The following DLGAP1 variants were observed in gnomAD, a reference collection of about 807,000 sequenced individuals.
The protein encoded by DLGAP1 is disks large-associated protein 1.
A neutral mutation model predicts 90.8 loss-of-function variants in DLGAP1; 11 were observed. The observed-to-expected ratio is 0.12, with a 90% confidence interval of 0.08 to 0.20. The LOEUF is 0.20. DLGAP1 is among the 10% of genes least tolerant of loss of function. DLGAP1 has a pLI of 1.00. For missense variants in DLGAP1, 1,050 were observed against 1,333.8 expected (o/e 0.79, Z 3.31); for synonymous variants, 558 against 540.7 (o/e 1.03, Z -0.44).
At chr18:4,359,812 C>T (rs967618853) in intron 1 of DLGAP1, among the ~76,000 whole-genome samples, 4 of 152,100 alleles carry the variant, frequency 2.6e-5, no homozygotes, top group East Asian at 1.9e-4. Context: ...GTTCTAGACA[C>T]TGGAGATAAA....
chr18:3,958,906 T>C (rs899856087), intron 3 of DLGAP1, among the ~76,000 whole-genome samples: 3 of 152,200 alleles, frequency 2.0e-5, no homozygotes, highest in Non-Finnish European at 2.9e-5. Context: ...CTGCCTGTAA[T>C]ATCTCAAGGA....
At chr18:4,197,214 A>C (rs1239192146) in intron 1 of DLGAP1, among the ~76,000 whole-genome samples, 1 of 151,052 alleles carries the variant, frequency 6.6e-6, no homozygotes, top group African/African-American at 2.4e-5. Flanking sequence ...AAAAAGAAAA[A>C]AAAAGAAAGA....
intron 1 of DLGAP1, among the ~76,000 whole-genome samples, chr18:4,260,476 T>G (rs1301853467): frequency 6.6e-6 from 1 of 152,220 alleles, no homozygotes; most frequent in African/African-American, 2.4e-5. Flanking sequence ...TCACTTATGT[T>G]TGCAAATCAA....
At chr18:4,068,397 T>C (rs1307921440) in intron 2 of DLGAP1, among the ~76,000 whole-genome samples, 1 of 151,408 alleles carries the variant, frequency 6.6e-6, no homozygotes, top group Non-Finnish European at 1.5e-5. Context: ...GCATATTATA[T>C]ATAATGATAT....
intron 1 of DLGAP1, among the ~76,000 whole-genome samples, chr18:4,343,874 G>A (rs536863152): frequency 1.2e-4 from 19 of 152,060 alleles, no homozygotes; most frequent in Admixed American, 3.9e-4. Context: ...AATCTCCTCC[G>A]GAAAGGATCA....
intron 5 of DLGAP1, among the ~76,000 whole-genome samples, chr18:3,802,156 TG>T (rs1306393779): frequency 2.0e-5 from 3 of 152,160 alleles, no homozygotes; most frequent in African/African-American, 7.2e-5. Flanking sequence ...GGCTAATTTT[TG>T]TATTTTTAGT....
intron 3 of DLGAP1, among the ~76,000 whole-genome samples, chr18:3,882,860 C>A (rs1197276732): frequency 6.6e-6 from 1 of 152,222 alleles, no homozygotes; most frequent in Non-Finnish European, 1.5e-5. Context: ...TATAAAGAGT[C>A]ATCTTGGAAA....
intron 1 of DLGAP1, among the ~76,000 whole-genome samples, chr18:4,242,795 A>G (rs1240871895): frequency 6.6e-6 from 1 of 152,096 alleles, no homozygotes; most frequent in Non-Finnish European, 1.5e-5. Context: ...TAAAGGTGAG[A>G]TCATGCATGT....
chr18:4,138,555 T>G (rs1053640451), intron 2 of DLGAP1, among the ~76,000 whole-genome samples: 2 of 152,030 alleles, frequency 1.3e-5, no homozygotes, highest in African/African-American at 4.8e-5. Context: ...TCAGTGAGGA[T>G]TTTTGTATTA....
At chr18:4,408,722 AT>A (rs1441325562) in intron 1 of DLGAP1, among the ~76,000 whole-genome samples, 1 of 149,744 alleles carries the variant, frequency 6.7e-6, no homozygotes, top group Non-Finnish European at 1.5e-5. Flanking sequence ...TAAGGAAGAA[AT>A]AAAAATTAAA....
intron 4 of DLGAP1, among the ~76,000 whole-genome samples, chr18:3,876,202 A>G (rs910718831): frequency 6.6e-5 from 9 of 135,754 alleles, no homozygotes; most frequent in African/African-American, 2.6e-4. Context: ...CATTTCCTAG[A>G]AGCAAGAAGG....
intron 5 of DLGAP1, among the ~76,000 whole-genome samples, chr18:3,759,094 GTCA>G (rs3837919): frequency 0.21 from 32,313 of 151,800 alleles, 4,093 homozygotes; most frequent in East Asian, 0.54. Flanking sequence ...GGGCATAAAT[GTCA>G]TCATTATTTC....
chr18:4,354,202 A>G (rs376761162), intron 1 of DLGAP1, among the ~76,000 whole-genome samples: 11 of 152,158 alleles, frequency 7.2e-5, no homozygotes, highest in African/African-American at 2.7e-4. Context: ...GGCAGATGAT[A>G]GAAACTAGGG....
chr18:4,374,843 T>C (rs549527868), intron 1 of DLGAP1, among the ~76,000 whole-genome samples: 144 of 152,212 alleles, frequency 9.5e-4, no homozygotes, highest in Non-Finnish European at 1.5e-3. Flanking sequence ...AAAAATACTG[T>C]CCTAATGAAA....
intron 7 of DLGAP1, among the ~76,000 whole-genome samples, chr18:3,611,539 A>G (rs1475376641): frequency 6.6e-6 from 1 of 152,082 alleles, no homozygotes. Context: ...AAGTCTTTCC[A>G]AAGCCCCTGC....
chr18:4,340,557 T>C (rs34757191), intron 1 of DLGAP1, among the ~76,000 whole-genome samples: 11,059 of 152,106 alleles, frequency 0.073, 432 homozygotes, highest in Non-Finnish European at 0.081. Context: ...TTCAAAAACA[T>C]TTCCACAAAC....
intron 1 of DLGAP1, among the ~76,000 whole-genome samples, chr18:4,301,718 G>A (rs1052218969): frequency 5.9e-5 from 9 of 152,116 alleles, no homozygotes; most frequent in African/African-American, 1.9e-4. Flanking sequence ...AATTTTCTGA[G>A]GAACCTACAT....
At chr18:3,953,932 AGTT>A (rs2073036221) in intron 3 of DLGAP1, among the ~76,000 whole-genome samples, 1 of 152,228 alleles carries the variant, frequency 6.6e-6, no homozygotes, top group African/African-American at 2.4e-5. Flanking sequence ...GCTTGGATAA[AGTT>A]GTTCCATCTG....
At chr18:3,580,773 A>G in intron 8 of DLGAP1, 1 of 1,611,108 alleles carries the variant, frequency 6.2e-7, no homozygotes, top group Non-Finnish European at 8.5e-7. Flanking sequence ...GAGACTTTGC[A>G]GTGTGCATGG....
Sources: allele counts gnomAD v4.1 joint callset (sites outside exome capture counted in the v4.1 genomes callset), GRCh38; gene constraint gnomAD v4.1.1; transcripts MANE v1.5; gene names NCBI Gene and HGNC (gene_info 2026-07-23, HGNC 2026-07-21).